PRKDC: variants seen among roughly 807,000 people sequenced by gnomAD.
PRKDC encodes the protein DNA-dependent protein kinase catalytic subunit.
In PRKDC, 82 loss-of-function variants were observed where a neutral mutation model predicts 486.9. The observed-to-expected ratio is 0.17, with a 90% CI of 0.14 to 0.20. The LOEUF is 0.20. Among genes scored for constraint, PRKDC ranks in the 10% least tolerant of loss-of-function variants. The pLI is 1.00. For synonymous variants in PRKDC, 1,895 were observed against 1,837.0 expected (o/e 1.03, Z -0.81); for missense variants, 4,504 against 5,038.2 (o/e 0.89, Z 3.21).
intron 74 of PRKDC, among the ~76,000 whole-genome samples, chr8:47,793,810 G>A (rs566616686): frequency 6.6e-6 from 1 of 151,972 alleles, no homozygotes; most frequent in South Asian, 2.1e-4. Context: ...CCTCATGATG[G>A]AGAATGTCAC....
chr8:47,900,290 A>G (rs1054579661), intron 28 of PRKDC, 83 bp downstream of exon 28: 1 of 974,740 alleles, frequency 1.0e-6, no homozygotes, highest in African/African-American at 1.7e-5. Flanking sequence ...AAAACCTTAT[A>G]AGAGAATCAC....
chr8:47,780,064 G>A (rs1163415483), intron 80 of PRKDC, among the ~76,000 whole-genome samples: 2 of 151,584 alleles, frequency 1.3e-5, no homozygotes, highest in East Asian at 1.9e-4. Context: ...ACAGGCGCCC[G>A]CCACTACACC....
Position 47,879,668 on chromosome 8 carries a change from AAGAC to A in PRKDC, c.5068-14_5068-11del. On this transcript the variant is annotated splice_polypyrimidine_tract_variant and intron_variant, in intron 38 of 85. Coordinates refer to ENST00000314191, the MANE Select transcript of PRKDC (RefSeq NM_006904.7). ...GAGTGACAGCTTGGCCCTGTGGAGCAAGACAGACATAAGAAACTGCACGAATTAT... is the reference window on the plus strand; with the variant it reads ...GAGTGACAGCTTGGCCCTGTGGAGCAAGACATAAGAAACTGCACGAATTAT... 2.0e-6 allele frequency: 3 copies of A among 1,535,736 alleles called. No homozygotes were observed. Among genetic ancestry groups the A allele is most frequent in the African/African-American group, 2.8e-5 (2 of 71,426 alleles).
Position 47,858,994 on chromosome 8 carries a change from A to G in PRKDC, c.6208-8T>C. On this transcript the variant is annotated splice_region_variant and splice_polypyrimidine_tract_variant and intron_variant, in intron 46 of 85. Coordinates refer to ENST00000314191, the MANE Select transcript of PRKDC (RefSeq NM_006904.7). ...CGTGGGGTCCCGCTGCTCCTGCGAA[A>G]GGGAGGGCCCAGGAGAGCAGAGGGT... is the stretch of plus-strand genomic sequence containing the variant. 6.2e-7 allele frequency: 1 copy of G among 1,612,052 alleles called. No homozygotes were observed. Among genetic ancestry groups the G allele is most frequent in the Non-Finnish European group, 8.5e-7 (1 of 1,179,844 alleles).
intron 36 of PRKDC, among the ~76,000 whole-genome samples, chr8:47,883,214 T>C (rs1180861653): frequency 6.6e-6 from 1 of 152,226 alleles, no homozygotes; most frequent in Non-Finnish European, 1.5e-5. Context: ...AAGATTTCTC[T>C]TATGAACTAT....
chr8:47,840,301 C>A (rs578139701), intron 54 of PRKDC, 112 bp from the exon 55 acceptor site: 1 of 750,140 alleles, frequency 1.3e-6, no homozygotes, highest in Non-Finnish European at 2.1e-6. Context: ...TAATAGATAA[C>A]GCTACACTTA....
rs764996706 is a variant in PRKDC, at chr8:47,886,013, C to T, written c.4707G>A (p.Thr1569=). 19 of 1,613,762 alleles carry T rather than the reference C, an allele frequency of 1.2e-5. No homozygotes were observed. In the African/African-American group the frequency reaches 2.0e-4, roughly 17 times the overall value. ...CAAGATCCAGATTTTTCAATAATTC[C>T]GTGTTGATCGTTTCTGAGAACAAGC... ...FYSLFSETIN[T]ELLKNLDLAV... Residue 1569 remains threonine, a synonymous_variant, in exon 36 of 86, where the codon ACG becomes ACA. Coordinates refer to ENST00000314191, the MANE Select transcript of PRKDC (RefSeq NM_006904.7).
intron 41 of PRKDC, among the ~76,000 whole-genome samples, chr8:47,863,791 G>A (rs1589751175): frequency 1.3e-5 from 2 of 152,324 alleles, no homozygotes; most frequent in Middle Eastern, 3.4e-3. Context: ...AGGAAATAAT[G>A]TGTGACATCC....
At chr8:47,891,379 G>C (rs1225477030) in intron 31 of PRKDC, among the ~76,000 whole-genome samples, 2 of 152,100 alleles carry the variant, frequency 1.3e-5, no homozygotes, top group African/African-American at 4.8e-5. Context: ...AAATAATTTT[G>C]ATAACATGTA....
intron 21 of PRKDC, 77 bp downstream of exon 21, chr8:47,927,117 A>G: frequency 7.2e-7 from 1 of 1,379,390 alleles, no homozygotes; most frequent in Admixed American, 2.7e-5. Context: ...GAAGTTACAA[A>G]AATACAGTCC....
chr8:47,918,485 C>T, intron 21 of PRKDC, 102 bp from the exon 22 acceptor site: 1 of 652,382 alleles, frequency 1.5e-6, no homozygotes, highest in Admixed American at 4.0e-5. Flanking sequence ...ACATTAAAAT[C>T]CTAAATTATG....
Position 47,864,666 on chromosome 8 carries a change from C to T in PRKDC, c.5461G>A (p.Asp1821Asn), listed in dbSNP as rs967342731. Residue 1821 changes from aspartate (D) to asparagine (N), a missense_variant, in exon 41 of 86, where the codon GAC becomes AAC. This residue lies in a region of PRKDC where 1,969 missense variants were observed against 2,068.9 expected (regional missense o/e 0.95). Coordinates refer to ENST00000314191, the MANE Select transcript of PRKDC (RefSeq NM_006904.7). ...CACAGCAGAGTGAGGAGGGAGCGGT[C>T]CACAAAGGACTGGCGTGTGAAACTT... ...RLSFTRQSFVDRSLLTLLWHC... is the reference protein window; with the variant it reads ...RLSFTRQSFVNRSLLTLLWHC... The T allele has an allele frequency of 1.2e-6, 2 of 1,608,506 alleles. No individual in the cohort carries two copies. Among genetic ancestry groups the T allele is most frequent in the Admixed American group, 1.7e-5 (1 of 59,116 alleles).
At chr8:47,847,810 T>G (rs184831968) in intron 54 of PRKDC, among the ~76,000 whole-genome samples, 95 of 150,834 alleles carry the variant, frequency 6.3e-4, no homozygotes, top group African/African-American at 2.3e-3. Context: ...AAGTAAAAAG[T>G]GACCCCATTA....
Position 47,939,608 on chromosome 8 carries a change from C to T in PRKDC, c.1056G>A (p.Val352=), listed in dbSNP as rs371384507. ...MEQFYGIIRN[V]DSNNKELSIA... is the part of the protein sequence containing the mutation. The stretch of plus-strand genomic sequence containing the variant: ...TAGATAACTCCTTGTTGTTCGAATC[C>T]ACATTTCTGATGATTCCATAAAACT... The change falls in exon 11 of 86, where the codon GTG becomes GTA. Residue 352 remains valine (V), a synonymous_variant. Transcript: ENST00000314191. 7.4e-6 allele frequency: 12 copies of T among 1,613,340 alleles called. No individual in the cohort carries two copies. Among genetic ancestry groups the T allele is most frequent in the Non-Finnish European group, 9.3e-6 (11 of 1,179,490 alleles).
chr8:47,784,738 G>C (rs1386378222), intron 77 of PRKDC, among the ~76,000 whole-genome samples: 3 of 150,684 alleles, frequency 2.0e-5, no homozygotes, highest in Non-Finnish European at 4.4e-5. Context: ...CACTTTAAAT[G>C]GAACTGTGTA....
At chr8:47,872,413 A>ATTT (rs1349944541) in intron 40 of PRKDC, among the ~76,000 whole-genome samples, 1 of 152,030 alleles carries the variant, frequency 6.6e-6, no homozygotes, top group African/African-American at 2.4e-5. Flanking sequence ...AACAAATGGT[A>ATTT]GAAGTCCACA....
intron 54 of PRKDC, among the ~76,000 whole-genome samples, chr8:47,844,098 G>T (rs552806922): frequency 6.6e-6 from 1 of 152,292 alleles, no homozygotes; most frequent in African/African-American, 2.4e-5. Context: ...GCCACGCAGT[G>T]GCAAGTTGGA....
At chr8:47,912,841 CTT>C (rs1448160577) in intron 24 of PRKDC, among the ~76,000 whole-genome samples, 3 of 152,182 alleles carry the variant, frequency 2.0e-5, no homozygotes, top group African/African-American at 7.2e-5. Context: ...AACTATATAA[CTT>C]TGCTTCATCT....
intron 27 of PRKDC, among the ~76,000 whole-genome samples, chr8:47,900,829 A>G (rs2089667094): frequency 6.6e-6 from 1 of 151,766 alleles, no homozygotes; most frequent in Non-Finnish European, 1.5e-5. Context: ...AGCCTGGGCA[A>G]CAGAGCAAGA....
Sources: allele counts gnomAD v4.1 joint callset (sites outside exome capture counted in the v4.1 genomes callset), GRCh38; gene constraint gnomAD v4.1.1; regional missense constraint gnomAD v4.1.1; transcripts MANE v1.5; gene names NCBI Gene and HGNC (gene_info 2026-07-23, HGNC 2026-07-21).